Variants in STEAP3 observed in about 807,000 individuals in gnomAD.
STEAP3 encodes the protein metalloreductase STEAP3.
STEAP3 carries 35 observed loss-of-function variants against 34.9 expected under a neutral mutation model. That is an observed-to-expected ratio of 1.00 (90% CI 0.76 to 1.33). STEAP3 has a LOEUF of 1.33. Among genes scored for constraint, STEAP3 ranks in the 40% most tolerant of loss-of-function variants. STEAP3 has a pLI of 0.00. For synonymous variants in STEAP3, 281 were observed against 301.6 expected (o/e 0.93, Z 0.71); for missense variants, 652 against 667.6 (o/e 0.98, Z 0.26).
chr2:119,255,370 T>C (rs1025331983), intron 5 of STEAP3, among the ~76,000 whole-genome samples: 1 of 152,126 alleles, frequency 6.6e-6, no homozygotes, highest in African/African-American at 2.4e-5. Flanking sequence ...TTATAGGGGA[T>C]GCGACACAGC....
chr2:119,225,240 A>G (rs1679001932), intron 1 of STEAP3, among the ~76,000 whole-genome samples: 1 of 152,250 alleles, frequency 6.6e-6, no homozygotes, highest in African/African-American at 2.4e-5. Flanking sequence ...GGTGGCCTGC[A>G]GAGGGGCTGG....
chr2:119,251,212 C>T (rs1484459938), intron 4 of STEAP3, among the ~76,000 whole-genome samples: 1 of 152,156 alleles, frequency 6.6e-6, no homozygotes, highest in Non-Finnish European at 1.5e-5. Flanking sequence ...CCCATGGGCA[C>T]CTCACCACAG....
At chr2:119,260,095 A>C (rs1677894896) in intron 5 of STEAP3, among the ~76,000 whole-genome samples, 1 of 152,092 alleles carries the variant, frequency 6.6e-6, no homozygotes. Context: ...TATTTTACCC[A>C]AGCTCCCCGG....
At chr2:119,259,820 A>T (rs1167924825) in intron 5 of STEAP3, among the ~76,000 whole-genome samples, 4 of 152,194 alleles carry the variant, frequency 2.6e-5, no homozygotes, top group Non-Finnish European at 5.9e-5. Context: ...CCCACGACAC[A>T]GAGGTGGGCG....
At chr2:119,247,602 T>C in intron 3 of STEAP3, 77 bp from the exon 4 acceptor site, 1 of 1,446,438 alleles carries the variant, frequency 6.9e-7, no homozygotes, top group Non-Finnish European at 9.1e-7. Flanking sequence ...GCCCTCGGTT[T>C]CCTCAGCTGC....
rs1677501560 is a variant in STEAP3 at position 119,248,097 on chromosome 2, A to G, written c.941A>G (p.Gln314Arg). 6.2e-7 allele frequency: 1 copy of G among 1,608,658 alleles called. No individual in the cohort carries two copies. The highest frequency in any genetic ancestry group is 2.2e-5 in the East Asian group (1 of 44,862). ...WLDHWLQHRK[Q>R]IGLLSFFCAA... Reference sequence around the variant, plus strand: ...GACCACTGGCTACAGCACCGCAAGCAGATCGGGCTGCTCAGCTTCTTCTGC... The same window carrying G: ...GACCACTGGCTACAGCACCGCAAGCGGATCGGGCTGCTCAGCTTCTTCTGC... The change falls in exon 4 of 6, where the codon CAG (glutamine) becomes CGG (arginine). Residue 314 changes from glutamine to arginine, a missense_variant. Transcript: ENST00000393110.
chr2:119,252,772 T>C (rs1179942553), intron 4 of STEAP3, among the ~76,000 whole-genome samples: 1 of 152,178 alleles, frequency 6.6e-6, no homozygotes, highest in Non-Finnish European at 1.5e-5. Context: ...TCTGTCCTCA[T>C]GCGGGTCTTT....
At chr2:119,239,929 G>A (rs1245929320) in intron 2 of STEAP3, among the ~76,000 whole-genome samples, 1 of 152,202 alleles carries the variant, frequency 6.6e-6, no homozygotes, top group East Asian at 1.9e-4. Context: ...GGGCACTGCT[G>A]CATAAGTGTA....
intron 2 of STEAP3, among the ~76,000 whole-genome samples, chr2:119,238,548 T>C (rs181106539): frequency 3.3e-5 from 5 of 152,344 alleles, no homozygotes; most frequent in Non-Finnish European, 1.5e-5. Flanking sequence ...TTATCAGTTA[T>C]ATGATTTCCT....
intron 4 of STEAP3, chr2:119,248,511 G>A (rs904657205): frequency 9.2e-5 from 32 of 349,668 alleles, no homozygotes; most frequent in African/African-American, 6.2e-4. Context: ...GCAAAGGAAA[G>A]CAAGCGTGGG....
chr2:119,241,585 C>T (rs12467944), intron 2 of STEAP3, among the ~76,000 whole-genome samples: 65,964 of 152,070 alleles, frequency 0.43, 14,694 homozygotes, highest in East Asian at 0.65. Flanking sequence ...ATGAAAGGGG[C>T]TTGGAGCTGA....
Position 119,231,638 on chromosome 2 carries a change from G to A in STEAP3, c.22+604G>A, listed in dbSNP as rs184054445. On this transcript the variant is annotated intron_variant, in intron 2 of 5. Coordinates refer to ENST00000393110, the MANE Select transcript of STEAP3 (RefSeq NM_182915.3). ...TCCATCAGACGAAACTTGCGCGCAC[G>A]TGTATTTCTGCGGGGATTGGCTCGA... is the stretch of plus-strand genomic sequence containing the variant. Among the ~76,000 whole-genome samples, 27 of 152,210 alleles carry A rather than the reference G, an allele frequency of 1.8e-4. No individual in the cohort carries two copies. In the East Asian group the frequency reaches 4.8e-3, roughly 27 times the overall value.
chr2:119,232,283 C>A (rs1292659387), intron 2 of STEAP3, among the ~76,000 whole-genome samples: 1 of 152,182 alleles, frequency 6.6e-6, no homozygotes, highest in Non-Finnish European at 1.5e-5. Context: ...AGGCAAGAGC[C>A]AACTCGGGGC....
Position 119,263,107 on chromosome 2 carries a change from C to T in STEAP3, c.1266C>T (p.Thr422=). The change falls in exon 6 of 6, where the codon ACC becomes ACT. Residue 422 remains threonine, a synonymous_variant. Coordinates refer to ENST00000393110, the MANE Select transcript of STEAP3 (RefSeq NM_182915.3). The part of the protein sequence containing the change: ...ALVLSTLHTL[T]YGWTRAFEES... ...TGCTGAGCACACTGCACACGCTCACCTACGGCTGGACCCGCGCCTTCGAGG... is the reference window on the plus strand; with the variant it reads ...TGCTGAGCACACTGCACACGCTCACTTACGGCTGGACCCGCGCCTTCGAGG... 6.2e-7 allele frequency: 1 copy of T among 1,612,042 alleles called. No individual in the cohort carries two copies. Among genetic ancestry groups the T allele is most frequent in the Non-Finnish European group, 8.5e-7 (1 of 1,180,022 alleles).
chr2:119,249,992 G>T lies in STEAP3; in HGVS notation c.1050+1786G>T, dbSNP rs117851232. ...ATTTAACCCCATCTCATCCCTGTAG[G>T]CCAGGTGCTATTATATCCTTATTTC... On this transcript the variant is annotated intron_variant, in intron 4 of 5. Transcript: ENST00000393110. Among the ~76,000 whole-genome samples, 167 of 152,250 alleles carry T rather than the reference G, an allele frequency of 1.1e-3. 5 individuals are homozygous for T. In the East Asian group the frequency reaches 0.032, roughly 29 times the overall value.
intron 2 of STEAP3, among the ~76,000 whole-genome samples, chr2:119,239,865 C>T (rs1025552176): frequency 2.6e-5 from 4 of 152,140 alleles, no homozygotes; most frequent in Non-Finnish European, 5.9e-5. Context: ...ACATACAGAG[C>T]CTCCTTGCAC....
At chr2:119,231,583 T>C (rs2104793175) in intron 2 of STEAP3, among the ~76,000 whole-genome samples, 1 of 152,302 alleles carries the variant, frequency 6.6e-6, no homozygotes, top group Admixed American at 6.5e-5. Context: ...TCACTTTTAT[T>C]TTGCACAGTT....
chr2:119,241,851 C>T (rs1465658494), intron 2 of STEAP3, among the ~76,000 whole-genome samples: 1 of 152,232 alleles, frequency 6.6e-6, no homozygotes, highest in Non-Finnish European at 1.5e-5. Flanking sequence ...GATCTTCTCG[C>T]CTTGCTTCAC....
At position 119,230,892 on chromosome 2, in the gene STEAP3, G is replaced by T; in HGVS notation, c.-121G>T. On this transcript the variant is annotated 5_prime_UTR_variant, in exon 2 of 6. Coordinates refer to ENST00000393110, the MANE Select transcript of STEAP3 (RefSeq NM_182915.3). ...CCCTGGCAGGGCCCTCGCCTCCTGA[G>T]AAACCGAGAGTCAGAACCAAAGCCA... 1 of 1,402,524 alleles carries T rather than the reference G, an allele frequency of 7.1e-7. No individual in the cohort carries two copies. The highest frequency in any genetic ancestry group is 2.3e-5 in the East Asian group (1 of 43,180). 86.9% of individuals were successfully genotyped at this position (1,402,524 alleles called of 1,614,324 possible).
Sources: allele counts gnomAD v4.1 joint callset (sites outside exome capture counted in the v4.1 genomes callset), GRCh38; gene constraint gnomAD v4.1.1; transcripts MANE v1.5; gene names NCBI Gene and HGNC (gene_info 2026-07-23, HGNC 2026-07-21).